CCDC171: variants seen among roughly 807,000 people sequenced by gnomAD.
CCDC171 encodes coiled-coil domain-containing protein 171.
CCDC171 carries 177 observed loss-of-function variants against 168.2 expected under a neutral mutation model. The ratio of observed to expected loss-of-function variants is 1.05; its 90% CI spans 0.93 to 1.19. CCDC171 has a LOEUF of 1.19. CCDC171 is among the 50% of genes most tolerant of loss of function. The probability of loss-of-function intolerance (pLI) is 0.00; values close to 1 mark genes in which losing one functional copy is unlikely to be tolerated. For synonymous variants in CCDC171, 687 were observed against 540.8 expected (o/e 1.27, Z -3.75); for missense variants, 1,991 against 1,539.0 (o/e 1.29, Z -4.91).
chr9:15,835,839 T>C (rs763309942), intron 21 of CCDC171, among the ~76,000 whole-genome samples: 3 of 152,218 alleles, frequency 2.0e-5, no homozygotes, highest in Non-Finnish European at 4.4e-5. Context: ...CTTTCATATT[T>C]TTAAGTGTAC....
chr9:15,675,516 G>C (rs1163691756), intron 9 of CCDC171, among the ~76,000 whole-genome samples: 2 of 152,110 alleles, frequency 1.3e-5, no homozygotes, highest in Non-Finnish European at 2.9e-5. Flanking sequence ...GGTACCAGTT[G>C]TTCCTTTCCA....
intron 21 of CCDC171, among the ~76,000 whole-genome samples, chr9:15,794,302 T>C (rs894921459): frequency 4.6e-5 from 7 of 151,982 alleles, no homozygotes; most frequent in African/African-American, 1.7e-4. Flanking sequence ...CCGTCTCTAC[T>C]AAAAATACAA....
At chr9:15,702,455 G>C (rs549921835) in intron 11 of CCDC171, among the ~76,000 whole-genome samples, 1 of 151,830 alleles carries the variant, frequency 6.6e-6, no homozygotes, top group Non-Finnish European at 1.5e-5. Context: ...CTCTATAAAT[G>C]CATAGGCAGA....
rs1282813769 is a variant in CCDC171 at position 15,695,305 on chromosome 9, A to G, written c.1286A>G (p.Asp429Gly). The G allele has an allele frequency of 6.2e-7, 1 of 1,613,994 alleles. No individual in the cohort carries two copies. Among genetic ancestry groups the G allele is most frequent in the African/African-American group, 1.3e-5 (1 of 74,924 alleles). The change falls in exon 11 of 26, where the codon GAC becomes GGC. Residue 429 changes from aspartate (D) to glycine (G), a missense_variant. Asp to Gly is a moderately conservative substitution (Grantham distance 94). Transcript: ENST00000380701. ...GTGAAAGAATTGGAATCGATCTTGG[A>G]CAGCTTTACTGTGTCGGGCCAGTGG... The part of the protein sequence containing the change: ...NNVKELESIL[D>G]SFTVSGQWTS...
intron 18 of CCDC171, among the ~76,000 whole-genome samples, chr9:15,772,600 G>A (rs1360650743): frequency 6.6e-6 from 1 of 152,188 alleles, no homozygotes; most frequent in Non-Finnish European, 1.5e-5. Context: ...TATAAATAGT[G>A]AAAGATGTTC....
In CCDC171 at chr9:15,569,850, A is replaced by AACAAAAAAC. The variant is rs2040076712; in HGVS notation, c.42-1773_42-1772insCAAAAAACA. On this transcript the variant is annotated intron_variant, in intron 2 of 25. Coordinates refer to ENST00000380701, the MANE Select transcript of CCDC171 (RefSeq NM_173550.4). The stretch of plus-strand genomic sequence containing the variant: ...AAAAAACAAAAAACAAACAAACAAA[A>AACAAAAAAC]AAAAAATTTCTATTTTTCATCTCCA... Among the ~76,000 whole-genome samples, 4 of 145,984 alleles carry AACAAAAAAC rather than the reference A, an allele frequency of 2.7e-5. No individual in the cohort carries two copies. In the South Asian group the frequency reaches 9.1e-4, roughly 33 times the overall value.
the CCDC171 span, among the ~76,000 whole-genome samples, chr9:16,095,992 T>C: frequency 1.3e-5 from 2 of 151,484 alleles, no homozygotes; most frequent in East Asian, 3.9e-4. Flanking sequence ...TCAAATTAGT[T>C]CTATGTTTCT....
At chr9:15,698,031 T>C (rs2051350343) in intron 11 of CCDC171, among the ~76,000 whole-genome samples, 1 of 150,782 alleles carries the variant, frequency 6.6e-6, no homozygotes, top group Non-Finnish European at 1.5e-5. Flanking sequence ...TTCTGGCTAT[T>C]TTGAAATATA....
At chr9:15,757,001 C>T (rs990097901) in intron 18 of CCDC171, among the ~76,000 whole-genome samples, 2 of 152,126 alleles carry the variant, frequency 1.3e-5, no homozygotes, top group East Asian at 3.9e-4. Flanking sequence ...TGCTCAGTCT[C>T]GGGTATGTCT....
the CCDC171 span, among the ~76,000 whole-genome samples, chr9:16,100,186 C>G: frequency 6.6e-6 from 1 of 152,034 alleles, no homozygotes; most frequent in African/African-American, 2.4e-5. Context: ...AAACTCAGCC[C>G]CATCTTATTG....
intron 3 of CCDC171, among the ~76,000 whole-genome samples, chr9:16,018,728 T>C (rs1027696106): frequency 3.3e-5 from 5 of 152,214 alleles, no homozygotes; most frequent in Non-Finnish European, 7.3e-5. Flanking sequence ...CCTTAATTCA[T>C]TGGATAACTG....
intron 24 of CCDC171, among the ~76,000 whole-genome samples, chr9:15,881,928 T>G (rs1818709823): frequency 2.0e-5 from 3 of 152,178 alleles, no homozygotes; most frequent in Non-Finnish European, 4.4e-5. Context: ...AGATGCCTTG[T>G]GATGTATTTC....
intron 21 of CCDC171, among the ~76,000 whole-genome samples, chr9:15,803,860 A>T (rs949483094): frequency 1.3e-5 from 2 of 152,170 alleles, no homozygotes; most frequent in Admixed American, 6.5e-5. Context: ...TTTGGGCAGT[A>T]TGGCTATTAC....
chr9:15,743,821 C>T (rs565662960), intron 16 of CCDC171, among the ~76,000 whole-genome samples: 14 of 152,232 alleles, frequency 9.2e-5, no homozygotes, highest in South Asian at 2.1e-4. Flanking sequence ...TTGATTGAAC[C>T]GGTTGCTTAT....
intron 24 of CCDC171, among the ~76,000 whole-genome samples, chr9:15,903,479 T>C (rs1403727172): frequency 6.6e-6 from 1 of 150,998 alleles, no homozygotes; most frequent in Non-Finnish European, 1.5e-5. Flanking sequence ...GTCCTGACTG[T>C]TAGAAGGAAA....
At position 15,594,141 on chromosome 9, in the gene CCDC171, CAGAA is replaced by C. The variant is rs1231131602; in HGVS notation, c.649_652del (p.Arg217GlufsTer6). On this transcript the variant is annotated frameshift_variant, in exon 6 of 26. Coordinates refer to ENST00000380701, the MANE Select transcript of CCDC171 (RefSeq NM_173550.4). LOFTEE classifies it high-confidence loss of function. ...AGATTACAAGAAGAACAATGGGAAG[CAGAA>C]AGAAGAGAATTACAATTTATAGTAC... is the stretch of plus-strand genomic sequence containing the variant. The C allele has an allele frequency of 2.7e-6, 4 of 1,465,864 alleles. No homozygotes were observed. Among genetic ancestry groups the C allele is most frequent in the Non-Finnish European group, 2.9e-6 (3 of 1,051,556 alleles). The allele number at this position is 1,465,864 out of a possible 1,614,324, so 90.8% of individuals were successfully genotyped here.
At chr9:15,634,740 T>G (rs575267233) in intron 7 of CCDC171, among the ~76,000 whole-genome samples, 1 of 152,346 alleles carries the variant, frequency 6.6e-6, no homozygotes, top group South Asian at 2.1e-4. Flanking sequence ...ACCATTACTA[T>G]AATCCATTTT....
chr9:15,659,281 G>A (rs769280247), intron 8 of CCDC171, among the ~76,000 whole-genome samples: 2 of 152,172 alleles, frequency 1.3e-5, no homozygotes, highest in Non-Finnish European at 2.9e-5. Flanking sequence ...GAAAGTTAAG[G>A]AAATTACATA....
chr9:15,953,911 A>G (rs1358311108), intron 25 of CCDC171, among the ~76,000 whole-genome samples: 2 of 151,562 alleles, frequency 1.3e-5, no homozygotes, highest in African/African-American at 2.4e-5. Flanking sequence ...GGTAGGTTTT[A>G]TGTTTCTAGG....
Sources: allele counts gnomAD v4.1 joint callset (sites outside exome capture counted in the v4.1 genomes callset), GRCh38; gene constraint gnomAD v4.1.1; transcripts MANE v1.5; gene names NCBI Gene and HGNC (gene_info 2026-07-23, HGNC 2026-07-21).